The following PLCD4 variants were observed in gnomAD, a reference collection of about 807,000 sequenced individuals.
PLCD4 encodes the protein 1-phosphatidylinositol 4,5-bisphosphate phosphodiesterase delta-4.
A neutral mutation model predicts 90.2 loss-of-function variants in PLCD4; 63 were observed. The observed-to-expected ratio is 0.70, with a 90% confidence interval of 0.57 to 0.86. The LOEUF is 0.86. PLCD4 is among the 40% of genes least tolerant of loss of function. PLCD4 has a pLI of 0.00. For missense variants in PLCD4, 830 were observed against 956.3 expected (o/e 0.87, Z 1.74); for synonymous variants, 294 against 356.5 (o/e 0.82, Z 1.97).
At chr2:218,615,342 A>G (rs2106122117) in intron 1 of PLCD4, among the ~76,000 whole-genome samples, 1 of 152,358 alleles carries the variant, frequency 6.6e-6, no homozygotes, top group Admixed American at 6.5e-5. Flanking sequence ...CCTGGAAATG[A>G]GAAGGCTAGG....
intron 9 of PLCD4, 111 bp downstream of exon 9, chr2:218,630,913 C>A (rs894280153): frequency 4.3e-5 from 51 of 1,180,902 alleles, no homozygotes; most frequent in Non-Finnish European, 8.2e-6. Flanking sequence ...CTCGGATGGA[C>A]CATCTTGCTC....
In PLCD4 at chr2:218,633,829, G is replaced by A. The variant is rs765593057; in HGVS notation, c.1606+68G>A. ...TAGGTTCAGGCCTGATGGACTGGCA[G>A]GTAAGTCCCAAGAAAAAAGACAAGG... On this transcript the variant is annotated intron_variant, in intron 11 of 15. Transcript: ENST00000450993. 2.4e-5 allele frequency: 37 copies of A among 1,559,598 alleles called. No individual in the cohort carries two copies. The African/African-American group carries it at 4.7e-4, about 20-fold the overall frequency.
chr2:218,622,387 C>A (rs978423360), intron 5 of PLCD4: 1 of 295,360 alleles, frequency 3.4e-6, no homozygotes, highest in Non-Finnish European at 6.1e-6. Flanking sequence ...TTAGGAGTTC[C>A]GTGGGAGTTT....
rs539143747 is a variant in PLCD4 at position 218,616,433 on chromosome 2, G to A, written c.181+371G>A. On this transcript the variant is annotated intron_variant, in intron 3 of 15. Coordinates refer to ENST00000450993, the MANE Select transcript of PLCD4 (RefSeq NM_032726.4). ...AAAATCAAGTAGTTAAGCTATGGCTGGGCATGGTGGCTCAATGCCTGTAAT... is the reference window on the plus strand; with the variant it reads ...AAAATCAAGTAGTTAAGCTATGGCTAGGCATGGTGGCTCAATGCCTGTAAT... Among the ~76,000 whole-genome samples, 12 of 152,228 alleles carry A rather than the reference G, an allele frequency of 7.9e-5. No individual in the cohort carries two copies. The East Asian group carries it at 2.3e-3, about 29-fold the overall frequency.
At chr2:218,627,133 C>T (rs1169280798) in intron 6 of PLCD4, among the ~76,000 whole-genome samples, 4 of 150,514 alleles carry the variant, frequency 2.7e-5, no homozygotes, top group Admixed American at 1.3e-4. Context: ...TAGTGGGGGG[C>T]GCCTGTAGTC....
chr2:218,621,449 T>TTTGCC (rs1695877367), intron 4 of PLCD4, 21 bp from the exon 5 acceptor site: 1 of 1,613,466 alleles, frequency 6.2e-7, no homozygotes, highest in Non-Finnish European at 8.5e-7. Context: ...CATTAGTGCT[T>TTTGCC]TTGCCTTGAC....
chr2:218,623,925 C>T (rs1033386487), intron 6 of PLCD4, among the ~76,000 whole-genome samples: 1 of 152,186 alleles, frequency 6.6e-6, no homozygotes, highest in African/African-American at 2.4e-5. Context: ...TCAGGTGATC[C>T]ACCCGCCTCA....
chr2:218,633,397 C>T (rs1170865289), intron 10 of PLCD4: 14 of 713,682 alleles, frequency 2.0e-5, no homozygotes, highest in South Asian at 5.9e-5. Context: ...TTGTGACGTG[C>T]CCGCTGTTTT....
At chr2:218,619,266 CATATATAT>C (rs3074252) in intron 4 of PLCD4, among the ~76,000 whole-genome samples, 3 of 146,756 alleles carry the variant, frequency 2.0e-5, no homozygotes, top group Admixed American at 6.8e-5. Context: ...TATAGGGGTA[CATATATAT>C]ATATATATAT....
chr2:218,609,886 A>G (rs961254136), intron 1 of PLCD4: 1 of 152,374 alleles, frequency 6.6e-6, no homozygotes, highest in Non-Finnish European at 1.5e-5. Context: ...GAGGGAACCA[A>G]CTGGAAGAGG....
In PLCD4 at chr2:218,622,712, G is replaced by C. The variant is rs377081585; in HGVS notation, c.606G>C (p.Leu202Phe). 1.3e-5 allele frequency: 21 copies of C among 1,613,928 alleles called. No homozygotes were observed. Among genetic ancestry groups the C allele is most frequent in the Admixed American group, 3.3e-5 (2 of 60,000 alleles). ...AATTCGTACAGTTCTATAAGGCATT[G>C]ACTAAACGTGCTGAGGTGCAGGAAC... Reference protein sequence around the residue: ...GEEFVQFYKALTKRAEVQELF... With the variant: ...GEEFVQFYKAFTKRAEVQELF... Residue 202 changes from leucine (L) to phenylalanine (F), a missense_variant, in exon 6 of 16, where the codon TTG (leucine) becomes TTC (phenylalanine). Physicochemically the swap from Leu to Phe is conservative, Grantham distance 22. Coordinates refer to ENST00000450993, the MANE Select transcript of PLCD4 (RefSeq NM_032726.4).
At position 218,636,564 on chromosome 2, in the gene PLCD4, G is replaced by C. The variant is rs1267918686; in HGVS notation, c.2276G>C (p.Gly759Ala). The C allele has an allele frequency of 4.3e-6, 7 of 1,613,860 alleles. No individual in the cohort carries two copies. The highest frequency in any genetic ancestry group is 5.9e-6 in the Non-Finnish European group (7 of 1,179,876). ...ATCTGCATCCAGGAAGGCCTGGAGG[G>C]GGATGAGTCCTGAGGTGGGCATTTC... is the stretch of plus-strand genomic sequence containing the variant. Reference protein sequence around the residue: ...VYICIQEGLEGDES With the variant: ...VYICIQEGLEADES Residue 759 changes from glycine to alanine, a missense_variant, in exon 16 of 16, where the codon GGG (glycine) becomes GCG (alanine). Coordinates refer to ENST00000450993, the MANE Select transcript of PLCD4 (RefSeq NM_032726.4).
In PLCD4 at chr2:218,622,649, A is replaced by C. The variant is rs1387576884; in HGVS notation, c.543A>C (p.Ala181=). Residue 181 remains alanine, a splice_region_variant and synonymous_variant, in exon 6 of 16, where the codon GCA becomes GCC. Transcript: ENST00000450993. ...DQEYAFSLFQ[A]ADTSQSGTLE... is the part of the protein sequence containing the mutation. ...TCTCCCCTAAACCTCTCTTGCAGGC[A>C]GCAGACACGTCCCAGTCTGGAACCC... 4 of 1,612,408 alleles carry C rather than the reference A, an allele frequency of 2.5e-6. No individual in the cohort carries two copies. The highest frequency in any genetic ancestry group is 3.3e-5 in the Admixed American group (2 of 59,964).
intron 1 of PLCD4, among the ~76,000 whole-genome samples, chr2:218,613,940 G>C (rs1695459533): frequency 1.3e-5 from 2 of 152,056 alleles, no homozygotes; most frequent in Admixed American, 1.3e-4. Context: ...TCCTTTTCAA[G>C]GGAAGTTTGT....
At chr2:218,623,439 G>C (rs1695971708) in intron 6 of PLCD4, among the ~76,000 whole-genome samples, 1 of 152,188 alleles carries the variant, frequency 6.6e-6, no homozygotes. Context: ...GAGTGCAGCT[G>C]AAATATACGC....
At chr2:218,630,865 C>T (rs1696331340) in intron 9 of PLCD4, 63 bp downstream of exon 9, 1 of 1,498,540 alleles carries the variant, frequency 6.7e-7, no homozygotes, top group Non-Finnish European at 9.0e-7. Context: ...CACCTGGGCT[C>T]CTTCCTCTAT....
intron 14 of PLCD4, 122 bp downstream of exon 14, chr2:218,636,053 C>T: frequency 3.4e-6 from 5 of 1,484,290 alleles, no homozygotes; most frequent in Non-Finnish European, 3.7e-6. Flanking sequence ...CAGTGTGGAA[C>T]AGTACAAAGA....
At chr2:218,627,425 C>T (rs1042677563) in intron 6 of PLCD4, among the ~76,000 whole-genome samples, 13 of 150,754 alleles carry the variant, frequency 8.6e-5, no homozygotes, top group Non-Finnish European at 1.9e-4. Context: ...CTCTTTAGTA[C>T]TATAGCATAA....
At chr2:218,609,495 CA>C (rs1236622326) in intron 1 of PLCD4, 2 of 152,138 alleles carry the variant, frequency 1.3e-5, no homozygotes, top group Non-Finnish European at 2.9e-5. Flanking sequence ...TGAAGATCTC[CA>C]TATATGTGTC....
Sources: allele counts gnomAD v4.1 joint callset (sites outside exome capture counted in the v4.1 genomes callset), GRCh38; gene constraint gnomAD v4.1.1; transcripts MANE v1.5; gene names NCBI Gene and HGNC (gene_info 2026-07-23, HGNC 2026-07-21).